The following ATP9B variants were observed in gnomAD, a reference collection of about 807,000 sequenced individuals.
The protein encoded by ATP9B is probable phospholipid-transporting ATPase IIB.
Under a neutral mutation model 146.1 loss-of-function variants are expected in ATP9B, and 110 were observed. That is an observed-to-expected ratio of 0.75 (90% CI 0.65 to 0.88). The LOEUF (loss-of-function observed/expected upper bound fraction) is 0.88, where lower values mean the gene tolerates loss of function less well. Ranked by LOEUF, ATP9B falls within the 40% of genes least tolerant of loss-of-function variation. The pLI is 0.00. For missense variants in ATP9B, 1,499 were observed against 1,496.4 expected (o/e 1.00, Z -0.03); for synonymous variants, 604 against 569.7 (o/e 1.06, Z -0.86).
intron 25 of ATP9B, among the ~76,000 whole-genome samples, chr18:79,356,564 C>T (rs1358358514): frequency 1.3e-5 from 2 of 152,238 alleles, no homozygotes; most frequent in African/African-American, 4.8e-5. Context: ...AAATAAGCTA[C>T]TGACACAGCA....
intron 1 of ATP9B, among the ~76,000 whole-genome samples, chr18:79,076,927 C>G (rs2072690865): frequency 6.6e-6 from 1 of 152,150 alleles, no homozygotes; most frequent in Non-Finnish European, 1.5e-5. Flanking sequence ...TACTGTTGAG[C>G]CCATCCATTA....
chr18:79,282,162 T>C (rs1189691959), intron 13 of ATP9B, among the ~76,000 whole-genome samples: 2 of 152,194 alleles, frequency 1.3e-5, no homozygotes, highest in African/African-American at 4.8e-5. Context: ...CTCTTACGGA[T>C]GAGCAAAGAA....
intron 11 of ATP9B, among the ~76,000 whole-genome samples, chr18:79,245,845 CTGCGGAGGGCACCGCCCTACTGTCTG>C: frequency 7.1e-6 from 1 of 139,936 alleles, no homozygotes. Context: ...ACCCTACTGA[CTGCGGAGGGCACCGCCCTACTGTCTG>C]TGCGGAGGGC....
At chr18:79,184,390 T>C (rs907005190) in intron 8 of ATP9B, among the ~76,000 whole-genome samples, 19 of 152,160 alleles carry the variant, frequency 1.2e-4, no homozygotes, top group African/African-American at 4.3e-4. Flanking sequence ...TTTCATGTTA[T>C]GAGCTGAGCA....
At chr18:79,182,791 A>G (rs1011734076) in intron 8 of ATP9B, among the ~76,000 whole-genome samples, 1 of 152,146 alleles carries the variant, frequency 6.6e-6, no homozygotes, top group African/African-American at 2.4e-5. Context: ...TTTATTGAGA[A>G]TTTGCTTGTT....
At chr18:79,366,158 C>G (rs1046445802) in intron 26 of ATP9B, among the ~76,000 whole-genome samples, 2 of 152,216 alleles carry the variant, frequency 1.3e-5, no homozygotes, top group Non-Finnish European at 2.9e-5. Flanking sequence ...GAGACCCGTC[C>G]GTGGTCGCTA....
At chr18:79,360,397 C>G (rs1050315069) in intron 26 of ATP9B, 2 of 151,938 alleles carry the variant, frequency 1.3e-5, no homozygotes, top group Non-Finnish European at 2.9e-5. Flanking sequence ...CTAATGACTA[C>G]CTAGCAAACA....
intron 7 of ATP9B, 129 bp from the exon 8 acceptor site, chr18:79,176,684 T>C (rs1365006539): frequency 1.4e-6 from 1 of 697,536 alleles, no homozygotes; most frequent in Non-Finnish European, 2.4e-6. Flanking sequence ...GTTTTGTTCC[T>C]GGGAATATCT....
At chr18:79,144,716 C>CT (rs1453207053) in intron 6 of ATP9B, 1 of 146,800 alleles carries the variant, frequency 6.8e-6, no homozygotes, top group South Asian at 2.2e-4. Flanking sequence ...GTTATACTGT[C>CT]TTTTTTTATT....
At chr18:79,074,706 G>T (rs1270187122) in intron 1 of ATP9B, among the ~76,000 whole-genome samples, 2 of 152,232 alleles carry the variant, frequency 1.3e-5, no homozygotes, top group Non-Finnish European at 2.9e-5. Context: ...GGAAGTCACT[G>T]CTGCCTTCTT....
At chr18:79,133,257 G>A (rs1052888795) in intron 5 of ATP9B, among the ~76,000 whole-genome samples, 1 of 152,084 alleles carries the variant, frequency 6.6e-6, no homozygotes, top group Non-Finnish European at 1.5e-5. Flanking sequence ...ATTTGAAAAG[G>A]ATCCATCCCA....
chr18:79,233,317 T>C (rs1326381940), intron 11 of ATP9B, among the ~76,000 whole-genome samples: 2 of 151,664 alleles, frequency 1.3e-5, no homozygotes, highest in African/African-American at 4.8e-5. Flanking sequence ...CTATGTATAA[T>C]GGGGATACCT....
At chr18:79,321,985 G>T (rs2146910120) in intron 15 of ATP9B, among the ~76,000 whole-genome samples, 1 of 152,336 alleles carries the variant, frequency 6.6e-6, no homozygotes, top group Middle Eastern at 3.4e-3. Flanking sequence ...TTGTGGAGAA[G>T]AAGTTTTATT....
chr18:79,196,523 G>A (rs2095419392), intron 9 of ATP9B, among the ~76,000 whole-genome samples: 1 of 152,206 alleles, frequency 6.6e-6, no homozygotes, highest in Non-Finnish European at 1.5e-5. Flanking sequence ...GGCAGTCAGA[G>A]ACTATTGAAA....
At chr18:79,163,933 CAG>C (rs774707088) in intron 7 of ATP9B, among the ~76,000 whole-genome samples, 5 of 150,800 alleles carry the variant, frequency 3.3e-5, no homozygotes, top group African/African-American at 1.2e-4. Context: ...GACAGACAGA[CAG>C]AGACAGAAAA....
Position 79,352,069 on chromosome 18 carries a change from T to G in ATP9B, c.2903+3873T>G, listed in dbSNP as rs1021163221. On this transcript the variant is annotated intron_variant, in intron 25 of 29. Coordinates refer to ENST00000426216, the MANE Select transcript of ATP9B (RefSeq NM_198531.5). ...TCTGATCTCATGAGCCCACAACTCA[T>G]GTTCCACGAAAATGCTTTGGGAAAA... 3.9e-5 allele frequency among the ~76,000 whole-genome samples: 6 copies of G among 152,282 alleles called. No homozygotes were observed. The South Asian group carries it at 1.2e-3, about 32-fold the overall frequency.
intron 12 of ATP9B, among the ~76,000 whole-genome samples, chr18:79,267,048 G>A (rs1425230113): frequency 6.6e-6 from 1 of 151,884 alleles, no homozygotes; most frequent in Admixed American, 6.5e-5. Context: ...TACATAAGAA[G>A]AAGGCCATGT....
chr18:79,329,924 T>C (rs1477575251), intron 16 of ATP9B, 88 bp from the exon 17 acceptor site: 38 of 1,245,850 alleles, frequency 3.1e-5, no homozygotes, highest in Non-Finnish European at 4.5e-5. Flanking sequence ...GAATTGCTTT[T>C]TCCATTGTAT....
intron 10 of ATP9B, chr18:79,209,665 T>C: frequency 1.0e-6 from 1 of 985,408 alleles, no homozygotes; most frequent in Non-Finnish European, 1.2e-6. Flanking sequence ...CAGTGTTGTG[T>C]CTTCCTAGTG....
Sources: gnomAD v4.1 joint callset for allele counts (sites outside exome capture counted in the v4.1 genomes callset) on GRCh38, gnomAD v4.1.1 for gene constraint, MANE v1.5 for transcripts, NCBI Gene and HGNC (gene_info 2026-07-23, HGNC 2026-07-21) for gene names.